LAMA1: variants seen among roughly 807,000 people sequenced by gnomAD.
LAMA1 encodes the protein laminin subunit alpha 1.
LAMA1 carries 219 observed loss-of-function variants against 348.7 expected under a neutral mutation model. That is an observed-to-expected ratio of 0.63 (90% CI 0.56 to 0.70). The LOEUF (loss-of-function observed/expected upper bound fraction) is 0.70. Ranked by LOEUF, LAMA1 falls within the 30% of genes least tolerant of loss-of-function variation. The pLI is 0.00. For missense variants in LAMA1, 3,744 were observed against 3,888.0 expected (o/e 0.96, Z 0.99); for synonymous variants, 1,487 against 1,491.0 (o/e 1.00, Z 0.06).
chr18:7,018,915 G>C (rs1470015840), intron 19 of LAMA1, among the ~76,000 whole-genome samples: 2 of 152,110 alleles, frequency 1.3e-5, no homozygotes, highest in African/African-American at 4.8e-5. Context: ...GGCCAGGCTG[G>C]CCGTCTGTTT....
intron 19 of LAMA1, among the ~76,000 whole-genome samples, chr18:7,020,801 C>T (rs1007445096): frequency 4.6e-5 from 7 of 152,180 alleles, no homozygotes; most frequent in African/African-American, 1.2e-4. Context: ...AGATTCATTT[C>T]GGGTCTTGTC....
At chr18:7,081,725 G>A (rs16951201) in intron 1 of LAMA1, among the ~76,000 whole-genome samples, 16,369 of 152,114 alleles carry the variant, frequency 0.11, 2,360 homozygotes, top group African/African-American at 0.32. Context: ...AATGGTGTAC[G>A]CGATGTTGAA....
chr18:7,033,188 C>T (rs779378467), intron 14 of LAMA1, 93 bp from the exon 15 acceptor site: 1,004 of 950,540 alleles, frequency 1.1e-3, no homozygotes, highest in Non-Finnish European at 1.5e-3. Flanking sequence ...TAAATCCGGC[C>T]GGGCGCAGTG....
At chr18:7,078,385 C>G (rs902421492) in intron 3 of LAMA1, among the ~76,000 whole-genome samples, 2 of 151,610 alleles carry the variant, frequency 1.3e-5, no homozygotes, top group African/African-American at 4.8e-5. Context: ...CCAGGATGGT[C>G]TCGATCTCCT....
chr18:7,013,739 A>C, intron 23 of LAMA1, 76 bp downstream of exon 23: 3 of 1,417,362 alleles, frequency 2.1e-6, no homozygotes, highest in Non-Finnish European at 3.0e-6. Flanking sequence ...CTGGCTGCTT[A>C]GGTAAGTAGT....
chr18:7,032,198 T>C (rs2057973119), intron 15 of LAMA1, 22 bp from the exon 16 acceptor site: 1 of 1,509,178 alleles, frequency 6.6e-7, no homozygotes. Flanking sequence ...GGGAAAGTCA[T>C]CCTCTTTCCA....
chr18:7,085,903 G>A (rs1461986431), intron 1 of LAMA1, among the ~76,000 whole-genome samples: 2 of 152,072 alleles, frequency 1.3e-5, no homozygotes, highest in Non-Finnish European at 2.9e-5. Context: ...AAAAATTCTG[G>A]AACTATTTAA....
chr18:7,075,141 A>G (rs1053362766), intron 3 of LAMA1, among the ~76,000 whole-genome samples: 4 of 152,138 alleles, frequency 2.6e-5, no homozygotes, highest in African/African-American at 9.7e-5. Context: ...AAACACATTT[A>G]TAATATTAAG....
At position 6,986,184 on chromosome 18, in the gene LAMA1, T is replaced by C. The variant is rs755902599; in HGVS notation, c.5332A>G (p.Ser1778Gly). Residue 1778 changes from serine (S) to glycine (G), a missense_variant, in exon 37 of 63, where the codon AGC becomes GGC. Physicochemically the swap from Ser to Gly is moderately conservative, Grantham distance 56. Around this residue, in one of 3 missense-constraint regions of LAMA1, gnomAD observed 1,983 missense variants for 1,934.3 expected, o/e 1.03. Coordinates refer to ENST00000389658, the MANE Select transcript of LAMA1 (RefSeq NM_005559.4). ...TTGACCATGAGCAGCAGGTGGTTGC[T>C]TTCCTGCATCTTTGCCTCAGCTTCC... is the stretch of plus-strand genomic sequence containing the variant. ...VREAEAKMQESNHLLLMVNAN... is the reference protein window; with the variant it reads ...VREAEAKMQEGNHLLLMVNAN... 4 of 1,614,220 alleles carry C rather than the reference T, an allele frequency of 2.5e-6. No individual in the cohort carries two copies. Among genetic ancestry groups the C allele is most frequent in the Non-Finnish European group, 3.4e-6 (4 of 1,180,048 alleles).
At position 6,949,246 on chromosome 18, in the gene LAMA1, T is replaced by C. The variant is rs754074575; in HGVS notation, c.8411A>G (p.Tyr2804Cys). 27 of 1,614,078 alleles carry C rather than the reference T, an allele frequency of 1.7e-5. No homozygotes were observed. Among genetic ancestry groups the C allele is most frequent in the African/African-American group, 2.7e-5 (2 of 74,928 alleles). The change falls in exon 59 of 63, where the codon TAT (tyrosine) becomes TGT (cysteine). Residue 2804 changes from tyrosine (Y) to cysteine (C), a missense_variant. Around this residue, in one of 3 missense-constraint regions of LAMA1, gnomAD observed 1,983 missense variants for 1,934.3 expected, o/e 1.03. Transcript: ENST00000389658. Reference sequence around the variant, plus strand: ...AGTTATGAAGCCTTTTCTTTTAACATAGTCTGTCTTGACCTACAGCAAAGT... The same window carrying C: ...AGTTATGAAGCCTTTTCTTTTAACACAGTCTGTCTTGACCTACAGCAAAGT... ...DGKWHTVKTD[Y>C]VKRKGFITVD...
rs766305855 is a variant in LAMA1 at position 7,080,382 on chromosome 18, G to T, written c.137C>A (p.Pro46Gln). ...CTCCACAAGTTTGCAGAACATCTCC[G>T]GCCCCTTCTCGCCACAGGTGGCATT... ...STNATCGEKG[P>Q]EMFCKLVEHV... Residue 46 changes from proline to glutamine, a missense_variant, in exon 2 of 63, where the codon CCG becomes CAG. By Grantham distance (76) the Pro-to-Gln change is moderately conservative. This residue lies in a region of LAMA1 where 1,529 missense variants were observed against 1,689.4 expected (regional missense o/e 0.91). Transcript: ENST00000389658. The T allele has an allele frequency of 7.4e-6, 12 of 1,614,122 alleles. No individual in the cohort carries two copies. The highest frequency in any genetic ancestry group is 8.5e-7 in the Non-Finnish European group (1 of 1,180,054).
chr18:7,032,895 T>G, intron 15 of LAMA1, 89 bp downstream of exon 15: 1 of 981,826 alleles, frequency 1.0e-6, no homozygotes, highest in South Asian at 1.4e-5. Flanking sequence ...AAGCTAAAAA[T>G]CAAATGTTTG....
intron 12 of LAMA1, among the ~76,000 whole-genome samples, chr18:7,036,633 A>C (rs753888744): frequency 1.2e-4 from 19 of 152,186 alleles, no homozygotes; most frequent in Non-Finnish European, 2.6e-4. Flanking sequence ...AAATTGGAGA[A>C]GTGATATCAA....
chr18:6,999,396 C>G, intron 32 of LAMA1, 49 bp downstream of exon 32: 1 of 1,593,006 alleles, frequency 6.3e-7, no homozygotes, highest in Non-Finnish European at 8.6e-7. Context: ...TTTCCCGACA[C>G]ATTTGGGAGG....
chr18:7,083,793 G>A (rs573214486), intron 1 of LAMA1, among the ~76,000 whole-genome samples: 4 of 152,120 alleles, frequency 2.6e-5, no homozygotes, highest in East Asian at 3.9e-4. Flanking sequence ...GGTTGGGGCC[G>A]GGCGCAATGG....
intron 58 of LAMA1, among the ~76,000 whole-genome samples, chr18:6,950,348 G>C (rs940983349): frequency 6.6e-6 from 1 of 152,202 alleles, no homozygotes; most frequent in Admixed American, 6.5e-5. Context: ...TGCAAAACCT[G>C]CCACTCTTAG....
intron 3 of LAMA1, among the ~76,000 whole-genome samples, chr18:7,066,390 G>C (rs1382963060): frequency 1.3e-5 from 2 of 152,164 alleles, no homozygotes; most frequent in East Asian, 3.8e-4. Context: ...TTATTCTTGT[G>C]ACAACTGGAA....
chr18:6,997,027 C>G (rs2057784241), intron 33 of LAMA1, among the ~76,000 whole-genome samples: 1 of 152,200 alleles, frequency 6.6e-6, no homozygotes. Flanking sequence ...AAAGAAGATA[C>G]TGTTCAGATT....
At chr18:7,095,122 T>TTCTCTCTCTCTCTC (rs71165720) in intron 1 of LAMA1, among the ~76,000 whole-genome samples, 35 of 126,560 alleles carry the variant, frequency 2.8e-4, no homozygotes, top group African/African-American at 9.2e-4. Context: ...CTCAGGACCT[T>TTCTCTCTCTCTCTC]TCTCTCTCTC....
Sources: gnomAD v4.1 joint callset for allele counts (sites outside exome capture counted in the v4.1 genomes callset) on GRCh38, gnomAD v4.1.1 for gene constraint, gnomAD v4.1.1 regional missense constraint, MANE v1.5 for transcripts, NCBI Gene and HGNC (gene_info 2026-07-23, HGNC 2026-07-21) for gene names.